The following RSF1 variants were observed in gnomAD, a reference collection of about 807,000 sequenced individuals.
RSF1 encodes HBV pX-associated protein 8.
Under a neutral mutation model 145.2 loss-of-function variants are expected in RSF1, and 13 were observed. That is an observed-to-expected ratio of 0.09 (90% CI 0.06 to 0.14). RSF1 has a LOEUF of 0.14. Ranked by LOEUF, RSF1 falls within the 10% of genes least tolerant of loss-of-function variation. RSF1 has a pLI of 1.00. For synonymous variants in RSF1, 577 were observed against 592.6 expected (o/e 0.97, Z 0.38); for missense variants, 1,517 against 1,718.2 (o/e 0.88, Z 2.07).
At chr11:77,840,050 G>T in the RSF1 span, among the ~76,000 whole-genome samples, 3 of 151,762 alleles carry the variant, frequency 2.0e-5, no homozygotes, top group Admixed American at 6.6e-5. Context: ...AGGGTTGATA[G>T]CATGTTATCA....
At chr11:77,829,636 C>G in the RSF1 span, 1 of 152,074 alleles carries the variant, frequency 6.6e-6, no homozygotes, top group Non-Finnish European at 1.5e-5. Context: ...TTTGTGAGAC[C>G]TGAAACTAAA....
rs1555004093 is a variant in RSF1, at chr11:77,820,697, T to TGCCGCCGCCGTC, written c.6_17dup (p.Thr3_Ala6dup). On this transcript the variant is annotated inframe_insertion, in exon 1 of 16. Coordinates refer to ENST00000308488, the MANE Select transcript of RSF1 (RefSeq NM_016578.4). ...CCGGAGGAGCCATCACCGCCGCCGC[T>TGCCGCCGCCGTC]GCCGCCGCCGTCGCCATTTTGAACT... is the stretch of plus-strand genomic sequence containing the variant. 9.0e-6 allele frequency: 14 copies of TGCCGCCGCCGTC among 1,549,920 alleles called. No individual in the cohort carries two copies. Among genetic ancestry groups the TGCCGCCGCCGTC allele is most frequent in the Non-Finnish European group, 1.2e-5 (14 of 1,148,156 alleles).
At chr11:77,684,800 C>T (rs1048056915) in intron 10 of RSF1, among the ~76,000 whole-genome samples, 2 of 151,978 alleles carry the variant, frequency 1.3e-5, no homozygotes, top group African/African-American at 4.8e-5. Context: ...CCATCCTGGC[C>T]AACATGGTGA....
the RSF1 span, among the ~76,000 whole-genome samples, chr11:77,828,691 G>T: frequency 4.7e-5 from 7 of 147,522 alleles, no homozygotes; most frequent in Non-Finnish European, 1.1e-4. Flanking sequence ...AAAAAAGAAA[G>T]AAAATTATAA....
At chr11:77,756,083 C>T (rs964136905) in intron 2 of RSF1, among the ~76,000 whole-genome samples, 1 of 152,002 alleles carries the variant, frequency 6.6e-6, no homozygotes, top group Non-Finnish European at 1.5e-5. Flanking sequence ...TCAGGCCAGG[C>T]GTGGTGGCTC....
At chr11:77,839,336 G>T in the RSF1 span, among the ~76,000 whole-genome samples, 1 of 151,988 alleles carries the variant, frequency 6.6e-6, no homozygotes, top group Non-Finnish European at 1.5e-5. Flanking sequence ...GTAGAAACCA[G>T]GTCTCCCAAT....
At chr11:77,843,974 T>C in the RSF1 span, among the ~76,000 whole-genome samples, 1 of 152,092 alleles carries the variant, frequency 6.6e-6, no homozygotes, top group African/African-American at 2.4e-5. Context: ...TCATTCACTA[T>C]CACGAGAGCA....
intron 1 of RSF1, among the ~76,000 whole-genome samples, chr11:77,783,811 C>T (rs2135959185): frequency 6.6e-6 from 1 of 152,146 alleles, no homozygotes; most frequent in South Asian, 2.1e-4. Context: ...CACTGCACTC[C>T]AGCCTGGGTG....
At chr11:77,856,793 C>G in the RSF1 span, among the ~76,000 whole-genome samples, 1 of 152,202 alleles carries the variant, frequency 6.6e-6, no homozygotes, top group Non-Finnish European at 1.5e-5. Flanking sequence ...CACCTCCCAC[C>G]AGTCCCCTTC....
At chr11:77,778,205 A>AATG (rs1948366012) in intron 1 of RSF1, among the ~76,000 whole-genome samples, 1 of 18,078 alleles carries the variant, frequency 5.5e-5, no homozygotes, top group African/African-American at 2.2e-4. Flanking sequence ...AGGGAAGGGG[A>AATG]GAGGATGGGG....
intron 1 of RSF1, among the ~76,000 whole-genome samples, chr11:77,802,974 A>C (rs552881844): frequency 6.6e-6 from 1 of 152,336 alleles, no homozygotes; most frequent in South Asian, 2.1e-4. Context: ...AAAAACAAAC[A>C]AACAAAAACC....
intron 4 of RSF1, among the ~76,000 whole-genome samples, chr11:77,726,705 A>C (rs1961061601): frequency 6.6e-6 from 1 of 152,172 alleles, no homozygotes; most frequent in Non-Finnish European, 1.5e-5. Flanking sequence ...CTGTGTTCTC[A>C]ATGTGCGATG....
chr11:77,869,977 A>G, the RSF1 span: 1 of 584,332 alleles, frequency 1.7e-6, no homozygotes, highest in East Asian at 2.9e-5. Flanking sequence ...CTGCCTCATC[A>G]GCGTTGGGCT....
chr11:77,820,597 G>A lies in RSF1; in HGVS notation c.118C>T (p.Pro40Ser), dbSNP rs1948859777. The part of the protein sequence containing the change: ...LERYGPLLDL[P>S]ELPFPELERV... ...TCCAGCTCAGGGAACGGCAACTCAGGCAGGTCTAGCAGCGGCCCGTAGCGC... is the reference window on the plus strand; with the variant it reads ...TCCAGCTCAGGGAACGGCAACTCAGACAGGTCTAGCAGCGGCCCGTAGCGC... The change falls in exon 1 of 16, where the codon CCT becomes TCT. Residue 40 changes from proline (P) to serine (S), a missense_variant. Transcript: ENST00000308488. 1.9e-6 allele frequency: 3 copies of A among 1,566,284 alleles called. No individual in the cohort carries two copies. In the African/African-American group the frequency reaches 4.1e-5, roughly 21 times the overall value.
At chr11:77,689,639 T>TGTACTATATTATTGGTTC (rs1351309623) in intron 9 of RSF1, among the ~76,000 whole-genome samples, 2 of 152,382 alleles carry the variant, frequency 1.3e-5, no homozygotes, top group African/African-American at 4.8e-5. Flanking sequence ...ATTATTGGTC[T>TGTACTATATTATTGGTTC]GTACTATATT....
At chr11:77,863,307 C>T in the RSF1 span, among the ~76,000 whole-genome samples, 3 of 152,102 alleles carry the variant, frequency 2.0e-5, no homozygotes, top group Non-Finnish European at 4.4e-5. Flanking sequence ...CTGCCGGATC[C>T]GGAGGGATGG....
At chr11:77,690,886 C>G (rs1960135040) in intron 9 of RSF1, 2 of 438,092 alleles carry the variant, frequency 4.6e-6, no homozygotes, top group African/African-American at 2.0e-5. Flanking sequence ...AGCAAGGTTG[C>G]GTTCAATAAA....
At chr11:77,706,786 G>A (rs1007906129) in intron 5 of RSF1, among the ~76,000 whole-genome samples, 2 of 152,002 alleles carry the variant, frequency 1.3e-5, no homozygotes, top group Non-Finnish European at 2.9e-5. Flanking sequence ...AATAAACATA[G>A]TATCTGATAT....
chr11:77,858,768 C>T, the RSF1 span, among the ~76,000 whole-genome samples: 1 of 152,170 alleles, frequency 6.6e-6, no homozygotes, highest in East Asian at 1.9e-4. Context: ...TCATTAACAT[C>T]AGAGCATGGG....
Sources: allele counts gnomAD v4.1 joint callset (sites outside exome capture counted in the v4.1 genomes callset), GRCh38; gene constraint gnomAD v4.1.1; transcripts MANE v1.5; gene names NCBI Gene and HGNC (gene_info 2026-07-23, HGNC 2026-07-21).